Variants in SIAH1 observed in about 807,000 individuals in gnomAD.
The protein encoded by SIAH1 is siah E3 ubiquitin protein ligase 1.
Under a neutral mutation model 20.0 loss-of-function variants are expected in SIAH1, and 2 were observed. The observed-to-expected ratio is 0.10, with a 90% CI of 0.04 to 0.31. The LOEUF is 0.31. Ranked by LOEUF, SIAH1 falls within the 10% of genes least tolerant of loss-of-function variation. SIAH1 has a pLI of 1.00. For missense variants in SIAH1, 119 were observed against 355.3 expected (o/e 0.33, Z 5.35); for synonymous variants, 118 against 125.3 (o/e 0.94, Z 0.39).
chr16:48,377,199 G>C (rs1597030851), intron 1 of SIAH1, among the ~76,000 whole-genome samples: 1 of 151,962 alleles, frequency 6.6e-6, no homozygotes, highest in East Asian at 1.9e-4. Context: ...TCTCTTTCTA[G>C]TTTATTCCAT....
At chr16:48,365,831 G>A in intron 1 of SIAH1, 1 of 1,248,918 alleles carries the variant, frequency 8.0e-7, no homozygotes, top group Non-Finnish European at 1.0e-6. Flanking sequence ...GGATGCAGGG[G>A]GCGACGCGCT....
At chr16:48,379,733 T>C (rs1248692957) in intron 1 of SIAH1, among the ~76,000 whole-genome samples, 3 of 152,178 alleles carry the variant, frequency 2.0e-5, no homozygotes, top group Admixed American at 2.0e-4. Context: ...CAGAGTGCTA[T>C]GGGAACACAG....
At chr16:48,382,817 AAATAC>A (rs1458381416) in intron 1 of SIAH1, among the ~76,000 whole-genome samples, 2 of 152,224 alleles carry the variant, frequency 1.3e-5, no homozygotes, top group African/African-American at 4.8e-5. Flanking sequence ...AACTGCTTAA[AAATAC>A]AATTTAAGCA....
Position 48,361,784 on chromosome 16 carries a change from G to T in SIAH1, c.645C>A (p.Arg215=), listed in dbSNP as rs775305196. 1.9e-6 allele frequency: 3 copies of T among 1,614,142 alleles called. No homozygotes were observed. In the South Asian group the frequency reaches 3.3e-5, roughly 18 times the overall value. ...GGTAAGCAAAATTTTCAGCTTGCTT[G>T]CGTGTTCCTATCAGCTGTACGATTG... ...FFAIVQLIGT[R]KQAENFAYRL... The change falls in exon 2 of 2, where the codon CGC becomes CGA. Residue 215 remains arginine, a synonymous_variant. Coordinates refer to ENST00000394725, the MANE Select transcript of SIAH1 (RefSeq NM_003031.4).
chr16:48,362,512 T>A lies in SIAH1; in HGVS notation c.-2-82A>T. ...ATAAATAATGTTTACATGCCATAAG[T>A]CCTTTTAAAGTTTCATACAAAATTT... On this transcript the variant is annotated intron_variant, in intron 1 of 1. Coordinates refer to ENST00000394725, the MANE Select transcript of SIAH1 (RefSeq NM_003031.4). The surrounding 1 kb of genome is among the most constrained non-coding windows in gnomAD (Gnocchi z 4.2). 1 of 1,403,992 alleles carries A rather than the reference T, an allele frequency of 7.1e-7. No homozygotes were observed. The highest frequency in any genetic ancestry group is 2.1e-5 in the Admixed American group (1 of 47,112). 87.0% of individuals were successfully genotyped at this position (1,403,992 alleles called of 1,614,324 possible). A position where few individuals can be genotyped will look rare whatever the true frequency, so the allele number is the denominator to read the frequency against.
At chr16:48,375,542 G>T (rs1961087196) in intron 1 of SIAH1, among the ~76,000 whole-genome samples, 1 of 152,128 alleles carries the variant, frequency 6.6e-6, no homozygotes, top group African/African-American at 2.4e-5. Context: ...GGAGGCTGAG[G>T]CAAGAGAATT....
At chr16:48,383,461 C>T (rs1961351662) in intron 1 of SIAH1, among the ~76,000 whole-genome samples, 1 of 152,146 alleles carries the variant, frequency 6.6e-6, no homozygotes, top group Admixed American at 6.5e-5. Flanking sequence ...ATAAAATTAC[C>T]AGACCATTAC....
At chr16:48,374,205 T>G (rs1027278677) in intron 1 of SIAH1, among the ~76,000 whole-genome samples, 1 of 152,220 alleles carries the variant, frequency 6.6e-6, no homozygotes, top group Non-Finnish European at 1.5e-5. Flanking sequence ...AATTGGAAGG[T>G]AGGATTTTTG....
intron 1 of SIAH1, chr16:48,365,538 C>T (rs1184145956): frequency 7.0e-6 from 11 of 1,574,214 alleles, no homozygotes; most frequent in Non-Finnish European, 9.4e-6. Flanking sequence ...CCCTCCTGGG[C>T]TCTTTCTGCT....
At chr16:48,364,511 A>G (rs1960750575) in intron 1 of SIAH1, among the ~76,000 whole-genome samples, 1 of 152,194 alleles carries the variant, frequency 6.6e-6, no homozygotes, top group Non-Finnish European at 1.5e-5. Context: ...AATGTGTCTC[A>G]TCATATGGAC....
At chr16:48,368,196 AGGGAC>A (rs1567370907) in intron 1 of SIAH1, among the ~76,000 whole-genome samples, 2 of 152,238 alleles carry the variant, frequency 1.3e-5, no homozygotes, top group African/African-American at 2.4e-5. Context: ...CACAGACGTG[AGGGAC>A]GGGGTGAGAA....
chr16:48,385,310 CGACG>C lies in SIAH1; in HGVS notation c.-113_-110del. 1 of 256,064 alleles carries C rather than the reference CGACG, an allele frequency of 3.9e-6. No homozygotes were observed. Among genetic ancestry groups the C allele is most frequent in the Non-Finnish European group, 8.5e-6 (1 of 118,056 alleles). The allele number at this position is 256,064 out of a possible 1,614,324, so 15.9% of individuals were successfully genotyped here. A position where few individuals can be genotyped will look rare whatever the true frequency, so the allele number is the denominator to read the frequency against. ...CACCGCCTCTTCCCGGCGCCGAGAC[CGACG>C]GGACACCCTGGGCCGCCGCCGCCTC... is the stretch of plus-strand genomic sequence containing the variant. On this transcript the variant is annotated 5_prime_UTR_variant, in exon 1 of 2. Coordinates refer to ENST00000394725, the MANE Select transcript of SIAH1 (RefSeq NM_003031.4).
intron 1 of SIAH1, among the ~76,000 whole-genome samples, chr16:48,384,981 C>G (rs928046350): frequency 6.8e-6 from 1 of 146,336 alleles, no homozygotes; most frequent in East Asian, 2.0e-4. Flanking sequence ...GCTCCAGGGG[C>G]GGGGGCGAGC....
At chr16:48,376,934 T>A (rs1961124724) in intron 1 of SIAH1, among the ~76,000 whole-genome samples, 1 of 152,130 alleles carries the variant, frequency 6.6e-6, no homozygotes, top group African/African-American at 2.4e-5. Flanking sequence ...AGGGAGAGGA[T>A]TACTTCATTT....
chr16:48,382,480 A>T (rs979165239), intron 1 of SIAH1, among the ~76,000 whole-genome samples: 2 of 152,224 alleles, frequency 1.3e-5, no homozygotes, highest in African/African-American at 4.8e-5. Context: ...GGTACTGAGG[A>T]TATATATTAA....
At chr16:48,376,752 C>T (rs1276170063) in intron 1 of SIAH1, among the ~76,000 whole-genome samples, 3 of 152,178 alleles carry the variant, frequency 2.0e-5, no homozygotes, top group East Asian at 1.9e-4. Flanking sequence ...AATTAACTAA[C>T]GTCTGTATAG....
At chr16:48,364,852 T>G (rs1447607393) in intron 1 of SIAH1, 1 of 152,602 alleles carries the variant, frequency 6.6e-6, no homozygotes, top group Non-Finnish European at 1.5e-5. Flanking sequence ...CCAAGGGCAG[T>G]AAACTCAGTT....
chr16:48,369,231 C>A (rs1422156673), intron 1 of SIAH1, among the ~76,000 whole-genome samples: 3 of 152,120 alleles, frequency 2.0e-5, no homozygotes, highest in Non-Finnish European at 4.4e-5. Flanking sequence ...CTAAAACCTC[C>A]ATTTTTCCTG....
chr16:48,380,018 C>A (rs1390894800), intron 1 of SIAH1, among the ~76,000 whole-genome samples: 1 of 151,976 alleles, frequency 6.6e-6, no homozygotes, highest in Non-Finnish European at 1.5e-5. Context: ...GGCTGGAGAC[C>A]AAAAGGAGAT....
Sources: gnomAD v4.1 joint callset for allele counts (sites outside exome capture counted in the v4.1 genomes callset) on GRCh38, gnomAD v4.1.1 for gene constraint, Gnocchi (gnomAD v3.1) non-coding constraint, MANE v1.5 for transcripts, NCBI Gene and HGNC (gene_info 2026-07-23, HGNC 2026-07-21) for gene names.